SP110: variants seen among roughly 807,000 people sequenced by gnomAD.
SP110 encodes SP110 nuclear body protein.
SP110 carries 62 observed loss-of-function variants against 92.7 expected under a neutral mutation model. The observed-to-expected ratio is 0.67, with a 90% CI of 0.55 to 0.83. The LOEUF (loss-of-function observed/expected upper bound fraction) is 0.83. Among genes scored for constraint, SP110 ranks in the 40% least tolerant of loss-of-function variants. The probability of loss-of-function intolerance (pLI) is 0.00; values close to 1 mark genes in which losing one functional copy is unlikely to be tolerated. For synonymous variants in SP110, 273 were observed against 305.3 expected (o/e 0.89, Z 1.10); for missense variants, 793 against 863.9 (o/e 0.92, Z 1.03).
At chr2:230,174,003 C>T (rs1235617728) in intron 14 of SP110, 2 of 152,222 alleles carry the variant, frequency 1.3e-5, no homozygotes, top group East Asian at 3.8e-4. Context: ...TCTAGGAGTA[C>T]AGGTGTAACA....
At position 230,170,698 on chromosome 2, in the gene SP110, T is replaced by C; in HGVS notation, c.1951A>G (p.Ile651Val). 1 of 1,614,146 alleles carries C rather than the reference T, an allele frequency of 6.2e-7. No individual in the cohort carries two copies. Among genetic ancestry groups the C allele is most frequent in the South Asian group, 1.1e-5 (1 of 91,080 alleles). ...MWLDLVKERL[I>V]TEMYTVAWFV... Reference sequence around the variant, plus strand: ...CATGCCACCGTGTACATTTCCGTAATCAGCCTTTCCTTAACCAGGTCCAAC... The same window carrying C: ...CATGCCACCGTGTACATTTCCGTAACCAGCCTTTCCTTAACCAGGTCCAAC... The change falls in exon 18 of 19, where the codon ATT (isoleucine) becomes GTT (valine). Residue 651 changes from isoleucine to valine, a missense_variant. Physicochemically the swap from Ile to Val is conservative, Grantham distance 29. Transcript: ENST00000258381.
upstream of SP110, chr2:230,221,857 A>G (rs143279969): frequency 2.1e-3 from 1,804 of 857,544 alleles, 24 homozygotes; most frequent in African/African-American, 0.026. Context: ...AATAAAGTCA[A>G]TGTCAAATCA....
At chr2:230,209,218 C>G (rs1445151442) in intron 7 of SP110, among the ~76,000 whole-genome samples, 4 of 152,054 alleles carry the variant, frequency 2.6e-5, no homozygotes, top group African/African-American at 9.7e-5. Context: ...ACGATAGGGT[C>G]TATAGCTTGC....
chr2:230,205,425 C>A (rs1463931048), intron 8 of SP110, among the ~76,000 whole-genome samples: 1 of 152,188 alleles, frequency 6.6e-6, no homozygotes, highest in Non-Finnish European at 1.5e-5. Flanking sequence ...CCCACCCCAA[C>A]CTGCAAGTCA....
Position 230,186,244 on chromosome 2 carries a change from C to T in SP110, c.1130-101G>A, listed in dbSNP as rs138069785. 1.5e-5 allele frequency: 17 copies of T among 1,148,874 alleles called. No individual in the cohort carries two copies. In the East Asian group the frequency reaches 3.8e-4, roughly 25 times the overall value. 71.2% of individuals were successfully genotyped at this position (1,148,874 alleles called of 1,614,324 possible). ...TCTTGCCATTTCTCTATAATTCTCT[C>T]TTTTCTTGTGTGTATCTTTCTTCCC... On this transcript the variant is annotated intron_variant, in intron 10 of 18. Transcript: ENST00000258381.
Position 230,172,860 on chromosome 2 carries a change from G to T in SP110, c.1690C>A (p.Pro564Thr), listed in dbSNP as rs1470098008. 1 of 1,613,328 alleles carries T rather than the reference G, an allele frequency of 6.2e-7. No individual in the cohort carries two copies. Among genetic ancestry groups the T allele is most frequent in the South Asian group, 1.1e-5 (1 of 91,070 alleles). ...RVFHEDCHIPPVEAKRMLWSC... is the reference protein window; with the variant it reads ...RVFHEDCHIPTVEAKRMLWSC... ...CCCACTCACCTCTTGGCTTCCACAG[G>T]GGGGATGTGACAGTCCTCATGGAAG... The change falls in exon 15 of 19, where the codon CCT becomes ACT. Residue 564 changes from proline (P) to threonine (T), a missense_variant. Transcript: ENST00000258381.
chr2:230,185,227 T>C (rs966182981), intron 11 of SP110, among the ~76,000 whole-genome samples: 2 of 152,218 alleles, frequency 1.3e-5, no homozygotes, highest in African/African-American at 4.8e-5. Context: ...TCTTAAAGCC[T>C]TGGCCTGAAA....
rs373392371 is a variant in SP110, at chr2:230,193,589, G to A, written c.1129+7296C>T. On this transcript the variant is annotated intron_variant, in intron 10 of 18. Transcript: ENST00000258381. ...CCTCAGCATTTGTTTGTCTAAAAATGACTTTATTTCTCCTTCATTCATAAA... is the reference window on the plus strand; with the variant it reads ...CCTCAGCATTTGTTTGTCTAAAAATAACTTTATTTCTCCTTCATTCATAAA... Among the ~76,000 whole-genome samples, 18 of 152,294 alleles carry A rather than the reference G, an allele frequency of 1.2e-4. No homozygotes were observed. The East Asian group carries it at 1.9e-3, about 16-fold the overall frequency.
At chr2:230,185,860 G>C (rs978406748) in intron 11 of SP110, 134 bp downstream of exon 11, 2 of 841,872 alleles carry the variant, frequency 2.4e-6, no homozygotes, top group African/African-American at 1.7e-5. Flanking sequence ...TCCGTGCTCT[G>C]TCTTCATGTC....
intron 1 of SP110, 115 bp from the exon 2 acceptor site, chr2:230,217,043 T>G: frequency 1.3e-6 from 1 of 774,994 alleles, no homozygotes; most frequent in Non-Finnish European, 2.1e-6. Context: ...GTCAAGAGAT[T>G]GAGACCATCC....
At chr2:230,221,578 A>C, upstream of SP110, 1 of 965,894 alleles carries the variant, frequency 1.0e-6, no homozygotes. Flanking sequence ...GGAAAAATTC[A>C]ATGCTAACAG....
At chr2:230,188,855 T>C (rs2042479110) in intron 10 of SP110, among the ~76,000 whole-genome samples, 1 of 152,182 alleles carries the variant, frequency 6.6e-6, no homozygotes, top group African/African-American at 2.4e-5. Context: ...ATTATATTTT[T>C]GATGGGCTGC....
At chr2:230,217,066 T>C in intron 1 of SP110, 138 bp from the exon 2 acceptor site, 3 of 651,014 alleles carry the variant, frequency 4.6e-6, no homozygotes, top group Non-Finnish European at 8.1e-6. Flanking sequence ...GCCAACATGG[T>C]GAAACTCTGT....
Position 230,212,742 on chromosome 2 carries a change from G to T in SP110, c.583+19C>A, listed in dbSNP as rs199743792. 15 of 1,613,740 alleles carry T rather than the reference G, an allele frequency of 9.3e-6. No individual in the cohort carries two copies. In the East Asian group the frequency reaches 3.1e-4, roughly 34 times the overall value. The stretch of plus-strand genomic sequence containing the variant: ...TTAGGCTGAGGATATACAGGTGTTG[G>T]ATGGGATCTGTTTCTCACCTGAAGT... On this transcript the variant is annotated intron_variant, in intron 4 of 18. Coordinates refer to ENST00000258381, the MANE Select transcript of SP110 (RefSeq NM_080424.4).
chr2:230,178,243 C>A lies in SP110; in HGVS notation c.1361G>T (p.Ser454Ile). 1.2e-6 allele frequency: 2 copies of A among 1,610,666 alleles called. No individual in the cohort carries two copies. Among genetic ancestry groups the A allele is most frequent in the Non-Finnish European group, 1.7e-6 (2 of 1,177,118 alleles). Residue 454 changes from serine (S) to isoleucine (I), a missense_variant, in exon 13 of 19, where the codon AGT becomes ATT. Ser to Ile is a moderately radical substitution (Grantham distance 142, BLOSUM62 -2). Coordinates refer to ENST00000258381, the MANE Select transcript of SP110 (RefSeq NM_080424.4). Reference protein sequence around the residue: ...KNIHRRGKPKSDTVDFHCSKL... With the variant: ...KNIHRRGKPKIDTVDFHCSKL... The stretch of plus-strand genomic sequence containing the variant: ...AGAACAGTGAAAATCCACAGTGTCA[C>A]TTTTGGGTTTTCCTTAAAGTAGAAG...
rs1230282888 is a variant in SP110 at position 230,171,066 on chromosome 2, TG to T, written c.1888-306del. 2.6e-5 allele frequency among the ~76,000 whole-genome samples: 4 copies of T among 152,300 alleles called. No homozygotes were observed. In the East Asian group the frequency reaches 7.7e-4, roughly 29 times the overall value. On this transcript the variant is annotated intron_variant, in intron 17 of 18. Transcript: ENST00000258381. ...CAGCAAGAAAGTGGTAGAGCTGAGA[TG>T]GGAACCCACACAGTTTGGCATCTAT...
intron 3 of SP110, chr2:230,214,206 T>C (rs1269589464): frequency 6.6e-6 from 1 of 152,320 alleles, no homozygotes; most frequent in East Asian, 1.9e-4. Context: ...ATTTATCCAG[T>C]CTCTTTTCTT....
chr2:230,169,752 G>C (rs1347734399), intron 18 of SP110, among the ~76,000 whole-genome samples: 1 of 152,168 alleles, frequency 6.6e-6, no homozygotes, highest in Non-Finnish European at 1.5e-5. Flanking sequence ...TAGACTGAAG[G>C]GTTAGTTTTG....
At chr2:230,184,116 C>T (rs1318792953) in intron 11 of SP110, among the ~76,000 whole-genome samples, 1 of 152,182 alleles carries the variant, frequency 6.6e-6, no homozygotes. Flanking sequence ...GAGTGGGATA[C>T]AGCAGGATGG....
Sources: gnomAD v4.1 joint callset for allele counts (sites outside exome capture counted in the v4.1 genomes callset) on GRCh38, gnomAD v4.1.1 for gene constraint, MANE v1.5 for transcripts, NCBI Gene and HGNC (gene_info 2026-07-23, HGNC 2026-07-21) for gene names.